The following RPS6KC1 variants were observed in gnomAD, a reference collection of about 807,000 sequenced individuals.
The protein encoded by RPS6KC1 is ribosomal protein S6 kinase C1, also known as inactive ribosomal protein S6 kinase delta-1.
RPS6KC1 carries 54 observed loss-of-function variants against 103.8 expected under a neutral mutation model. The ratio of observed to expected loss-of-function variants is 0.52; its 90% CI spans 0.42 to 0.65. The LOEUF is 0.65. RPS6KC1 is among the 30% of genes least tolerant of loss of function. The probability of loss-of-function intolerance (pLI) is 0.00; values close to 1 mark genes in which losing one functional copy is unlikely to be tolerated. For synonymous variants in RPS6KC1, 439 were observed against 438.7 expected (o/e 1.00, Z -0.01); for missense variants, 1,151 against 1,253.8 (o/e 0.92, Z 1.24).
chr1:213,367,579 A>G, the RPS6KC1 span, among the ~76,000 whole-genome samples: 1 of 152,242 alleles, frequency 6.6e-6, no homozygotes, highest in Non-Finnish European at 1.5e-5. Context: ...AATTATTACT[A>G]GCCTTTAAAA....
chr1:213,636,620 T>A, the RPS6KC1 span, among the ~76,000 whole-genome samples: 1 of 152,132 alleles, frequency 6.6e-6, no homozygotes, highest in Non-Finnish European at 1.5e-5. Context: ...TAATTCAAGA[T>A]GGATTAAAGA....
intron 7 of RPS6KC1, among the ~76,000 whole-genome samples, chr1:213,168,793 T>C (rs961200533): frequency 6.6e-6 from 1 of 152,030 alleles, no homozygotes; most frequent in Non-Finnish European, 1.5e-5. Context: ...GGCTAACTTT[T>C]TTGTATTTTT....
chr1:213,409,273 T>A, the RPS6KC1 span, among the ~76,000 whole-genome samples: 5 of 152,024 alleles, frequency 3.3e-5, no homozygotes, highest in African/African-American at 1.2e-4. Flanking sequence ...AAACCGCAAT[T>A]ACTTTTGCAC....
At chr1:213,779,305 G>C in the RPS6KC1 span, among the ~76,000 whole-genome samples, 10 of 151,976 alleles carry the variant, frequency 6.6e-5, no homozygotes. Flanking sequence ...AGACCCAAAG[G>C]GCCCCTTAAA....
At chr1:213,843,614 TG>T in the RPS6KC1 span, 1 of 152,098 alleles carries the variant, frequency 6.6e-6, no homozygotes, top group Non-Finnish European at 1.5e-5. Context: ...TAGAAAAGCA[TG>T]GGCCAACACA....
chr1:213,146,869 C>T (rs376683360), intron 6 of RPS6KC1, among the ~76,000 whole-genome samples: 19 of 151,154 alleles, frequency 1.3e-4, no homozygotes, highest in East Asian at 1.9e-4. Flanking sequence ...TGTTATTGCC[C>T]GTCTTTTGGA....
the RPS6KC1 span, among the ~76,000 whole-genome samples, chr1:213,591,322 G>T: frequency 6.6e-5 from 10 of 152,190 alleles, 1 homozygote; most frequent in African/African-American, 1.7e-4. Context: ...GCTTATCTTT[G>T]CACACAAAAC....
At chr1:213,565,898 G>T in the RPS6KC1 span, among the ~76,000 whole-genome samples, 2 of 151,290 alleles carry the variant, frequency 1.3e-5, no homozygotes, top group South Asian at 2.1e-4. Context: ...AGCAGAGGTT[G>T]TGGTGAGCCG....
At chr1:213,848,863 C>T in the RPS6KC1 span, among the ~76,000 whole-genome samples, 4 of 151,886 alleles carry the variant, frequency 2.6e-5, no homozygotes, top group African/African-American at 7.3e-5. Flanking sequence ...AAGCAGAGCC[C>T]GAGGCAAAGT....
the RPS6KC1 span, among the ~76,000 whole-genome samples, chr1:213,810,881 G>C: frequency 6.6e-6 from 1 of 152,166 alleles, no homozygotes; most frequent in South Asian, 2.1e-4. Context: ...CCAGCAAAAA[G>C]CTGGTAAGTG....
rs541125452 is a variant in RPS6KC1, at chr1:213,218,060, A to G, written c.1045-12437A>G. On this transcript the variant is annotated intron_variant, in intron 8 of 14. Coordinates refer to ENST00000366960, the MANE Select transcript of RPS6KC1 (RefSeq NM_012424.6). The stretch of plus-strand genomic sequence containing the variant: ...AGGAGAAGGCAATAAAGGGTATTCA[A>G]TTAGGAAAAGAGGAAGTCAAATTGT... Among the ~76,000 whole-genome samples, 18 of 152,318 alleles carry G rather than the reference A, an allele frequency of 1.2e-4. 1 individual carries two copies. The South Asian group carries it at 1.7e-3, about 14-fold the overall frequency.
chr1:213,734,767 A>T, the RPS6KC1 span, among the ~76,000 whole-genome samples: 1 of 152,238 alleles, frequency 6.6e-6, no homozygotes, highest in African/African-American at 2.4e-5. Flanking sequence ...TTCAATGTAA[A>T]TAATTAATAT....
the RPS6KC1 span, among the ~76,000 whole-genome samples, chr1:213,326,087 C>T: frequency 1.3e-5 from 2 of 151,856 alleles, no homozygotes; most frequent in Admixed American, 6.6e-5. Flanking sequence ...AAAGTGAGCA[C>T]CTGAGAAAGA....
chr1:213,747,889 AG>A, the RPS6KC1 span, among the ~76,000 whole-genome samples: 1 of 152,360 alleles, frequency 6.6e-6, no homozygotes, highest in South Asian at 2.1e-4. Context: ...TGCCTACAAA[AG>A]AATATACAGG....
chr1:213,258,754 A>G (rs4130132), intron 12 of RPS6KC1, among the ~76,000 whole-genome samples: 6,781 of 152,356 alleles, frequency 0.045, 245 homozygotes, highest in African/African-American at 0.096. Context: ...TGATAGAACT[A>G]TGATAAATTT....
chr1:213,746,572 A>C, the RPS6KC1 span, among the ~76,000 whole-genome samples: 1 of 152,250 alleles, frequency 6.6e-6, no homozygotes, highest in Non-Finnish European at 1.5e-5. Flanking sequence ...GAGCCACTAG[A>C]GAATTTTAAG....
the RPS6KC1 span, among the ~76,000 whole-genome samples, chr1:213,369,583 C>A: frequency 1.3e-5 from 2 of 152,248 alleles, no homozygotes; most frequent in African/African-American, 4.8e-5. Flanking sequence ...TTCTTTAGGG[C>A]TGAACCTGCG....
intron 7 of RPS6KC1, among the ~76,000 whole-genome samples, chr1:213,170,130 T>C (rs1022419680): frequency 6.6e-6 from 1 of 152,192 alleles, no homozygotes; most frequent in Non-Finnish European, 1.5e-5. Flanking sequence ...ATTCTATTCA[T>C]TCTTATAACA....
the RPS6KC1 span, among the ~76,000 whole-genome samples, chr1:213,601,271 AAT>A: frequency 6.7e-6 from 1 of 149,682 alleles, no homozygotes; most frequent in Non-Finnish European, 1.5e-5. Context: ...TTAAAGAGTA[AAT>A]ATATATATAT....
Sources: gnomAD v4.1 joint callset for allele counts (sites outside exome capture counted in the v4.1 genomes callset) on GRCh38, gnomAD v4.1.1 for gene constraint, MANE v1.5 for transcripts, NCBI Gene and HGNC (gene_info 2026-07-23, HGNC 2026-07-21) for gene names.